The following BAIAP2L1 variants were observed in gnomAD, a reference collection of about 807,000 sequenced individuals.
BAIAP2L1 encodes the protein BAR/IMD domain-containing adapter protein 2-like 1.
Under a neutral mutation model 66.3 loss-of-function variants are expected in BAIAP2L1, and 35 were observed. The observed-to-expected ratio is 0.53, with a 90% CI of 0.40 to 0.70. The LOEUF is 0.70. BAIAP2L1 is among the 30% of genes least tolerant of loss of function. The pLI is 0.00. For missense variants in BAIAP2L1, 622 were observed against 656.9 expected (o/e 0.95, Z 0.58); for synonymous variants, 269 against 248.7 (o/e 1.08, Z -0.77).
At position 98,320,149 on chromosome 7, in the gene BAIAP2L1, A is replaced by C. The variant is rs753857277; in HGVS notation, c.277-20T>G. 1 of 1,602,034 alleles carries C rather than the reference A, an allele frequency of 6.2e-7. No homozygotes were observed. The highest frequency in any genetic ancestry group is 8.5e-7 in the Non-Finnish European group (1 of 1,171,412). On this transcript the variant is annotated intron_variant, in intron 4 of 13. Coordinates refer to ENST00000005260, the MANE Select transcript of BAIAP2L1 (RefSeq NM_018842.5). The stretch of plus-strand genomic sequence containing the variant: ...TTTAAACTGTTAACAAAAGGAAATA[A>C]ATTCATACCAGGTTTGAGATTTTAA...
intron 3 of BAIAP2L1, among the ~76,000 whole-genome samples, chr7:98,338,938 T>G (rs1801674637): frequency 2.0e-5 from 3 of 152,050 alleles, no homozygotes; most frequent in African/African-American, 7.2e-5. Flanking sequence ...CTGAGTGTGG[T>G]AGCGCATGCC....
chr7:98,305,037 TTTG>T (rs1411284362), intron 11 of BAIAP2L1, among the ~76,000 whole-genome samples: 35 of 118,566 alleles, frequency 3.0e-4, no homozygotes, highest in African/African-American at 1.3e-3. Flanking sequence ...AGCTAATTTT[TTTG>T]TTTTTTGTTT....
intron 12 of BAIAP2L1, among the ~76,000 whole-genome samples, chr7:98,295,104 G>A (rs1434539706): frequency 1.3e-5 from 2 of 152,218 alleles, no homozygotes; most frequent in African/African-American, 2.4e-5. Context: ...CAGGGAGCAC[G>A]CAGACCTCTC....
chr7:98,359,735 G>C (rs1004815779), intron 2 of BAIAP2L1, among the ~76,000 whole-genome samples: 1 of 140,778 alleles, frequency 7.1e-6, no homozygotes, highest in African/African-American at 2.6e-5. Context: ...CCATTCACCT[G>C]TAGACCTGGG....
At chr7:98,377,684 G>A (rs530017494) in intron 1 of BAIAP2L1, among the ~76,000 whole-genome samples, 4 of 151,754 alleles carry the variant, frequency 2.6e-5, no homozygotes, top group African/African-American at 9.7e-5. Context: ...TGGGTGTGGT[G>A]GCACGCGCCT....
chr7:98,363,931 C>G (rs1010215174), intron 1 of BAIAP2L1, among the ~76,000 whole-genome samples: 1 of 152,146 alleles, frequency 6.6e-6, no homozygotes, highest in African/African-American at 2.4e-5. Flanking sequence ...ACCCATGCCT[C>G]GACCTTTCCA....
At chr7:98,391,900 A>T (rs1461727510) in intron 1 of BAIAP2L1, among the ~76,000 whole-genome samples, 1 of 152,068 alleles carries the variant, frequency 6.6e-6, no homozygotes, top group Non-Finnish European at 1.5e-5. Context: ...TTTATGGGGA[A>T]AAGTATGCCT....
Position 98,360,817 on chromosome 7 carries a change from G to A in BAIAP2L1, c.127+1540C>T, listed in dbSNP as rs1003762693. 3.3e-5 allele frequency among the ~76,000 whole-genome samples: 5 copies of A among 152,276 alleles called. No individual in the cohort carries two copies. The East Asian group carries it at 9.7e-4, about 29-fold the overall frequency. ...ACTTGCAGAAGTCACGGGGACCACT[G>A]GAGGGCAAGGGAGCAAAATCCCAGA... is the stretch of plus-strand genomic sequence containing the variant. On this transcript the variant is annotated intron_variant, in intron 2 of 13. Coordinates refer to ENST00000005260, the MANE Select transcript of BAIAP2L1 (RefSeq NM_018842.5).
chr7:98,305,047 GTTTTTTTTTTTTTTTT>G (rs59633894), intron 11 of BAIAP2L1, among the ~76,000 whole-genome samples: 1 of 100,380 alleles, frequency 1.0e-5, no homozygotes, highest in Non-Finnish European at 1.8e-5. Flanking sequence ...TTTGTTTTTT[GTTTTTTTTTTTTTTTT>G]TTTTTTTAGT....
chr7:98,292,471 A>C lies in BAIAP2L1; in HGVS notation c.*1050T>G. 1.5e-6 allele frequency: 1 copy of C among 665,488 alleles called. No homozygotes were observed. 41.2% of individuals were successfully genotyped at this position (665,488 alleles called of 1,614,324 possible). A position where few individuals can be genotyped will look rare whatever the true frequency, so the allele number is the denominator to read the frequency against. ...TTCCCGTACCTGGGCCGGGCTGGGAATTTTAACCATGACTCTCCACTCCAA... is the reference window on the plus strand; with the variant it reads ...TTCCCGTACCTGGGCCGGGCTGGGACTTTTAACCATGACTCTCCACTCCAA... On this transcript the variant is annotated 3_prime_UTR_variant, in exon 14 of 14. Coordinates refer to ENST00000005260, the MANE Select transcript of BAIAP2L1 (RefSeq NM_018842.5).
intron 1 of BAIAP2L1, among the ~76,000 whole-genome samples, chr7:98,366,181 G>A (rs547026446): frequency 6.6e-6 from 1 of 152,180 alleles, no homozygotes; most frequent in Admixed American, 6.5e-5. Context: ...AAGGGGGCCG[G>A]GACTGGACAG....
rs758421945 is a variant in BAIAP2L1 at position 98,312,088 on chromosome 7, G to A, written c.807+9C>T. On this transcript the variant is annotated intron_variant, in intron 8 of 13. Coordinates refer to ENST00000005260, the MANE Select transcript of BAIAP2L1 (RefSeq NM_018842.5). The stretch of plus-strand genomic sequence containing the variant: ...CGATTGAAATCTGGAAGAGAAAACT[G>A]GCTCCTACCACATTGCTTCTCTCGA... 35 of 1,583,200 alleles carry A rather than the reference G, an allele frequency of 2.2e-5. 1 individual carries two copies. The Middle Eastern group carries it at 5.1e-4, about 23-fold the overall frequency.
chr7:98,398,990 T>C (rs1336774332), intron 1 of BAIAP2L1, among the ~76,000 whole-genome samples: 1 of 152,140 alleles, frequency 6.6e-6, no homozygotes. Context: ...ACACAGTTTT[T>C]CCTTCACTGA....
intron 2 of BAIAP2L1, 176 bp from the exon 3 acceptor site, chr7:98,355,304 C>G (rs1802094193): frequency 1.6e-6 from 1 of 613,244 alleles, no homozygotes. Flanking sequence ...GGTGGAGGCC[C>G]TCCAGCCAAG....
At chr7:98,348,102 G>A (rs932811868) in intron 3 of BAIAP2L1, among the ~76,000 whole-genome samples, 2 of 151,842 alleles carry the variant, frequency 1.3e-5, no homozygotes, top group African/African-American at 2.4e-5. Flanking sequence ...AAACCTGCAC[G>A]TTCTTCACAT....
intron 12 of BAIAP2L1, among the ~76,000 whole-genome samples, chr7:98,299,174 C>T (rs1416948203): frequency 1.3e-5 from 2 of 152,098 alleles, no homozygotes; most frequent in African/African-American, 2.4e-5. Flanking sequence ...TGCCACCATG[C>T]CCAGCTAATT....
intron 1 of BAIAP2L1, among the ~76,000 whole-genome samples, chr7:98,385,481 C>T (rs147811526): frequency 0.017 from 2,537 of 152,088 alleles, 72 homozygotes; most frequent in African/African-American, 0.057. Flanking sequence ...AGTGCAGTGG[C>T]GCAATCTCTG....
intron 1 of BAIAP2L1, among the ~76,000 whole-genome samples, chr7:98,391,328 C>T (rs1313072177): frequency 2.6e-5 from 4 of 152,068 alleles, no homozygotes; most frequent in East Asian, 1.9e-4. Flanking sequence ...AAAGAGAAAC[C>T]GGCAACATTT....
intron 3 of BAIAP2L1, among the ~76,000 whole-genome samples, chr7:98,323,906 G>C (rs1235705755): frequency 2.0e-5 from 3 of 152,212 alleles, no homozygotes. Flanking sequence ...TCAATCTGCA[G>C]AAGTTTCATC....
Sources: gnomAD v4.1 joint callset for allele counts (sites outside exome capture counted in the v4.1 genomes callset) on GRCh38, gnomAD v4.1.1 for gene constraint, MANE v1.5 for transcripts, NCBI Gene and HGNC (gene_info 2026-07-23, HGNC 2026-07-21) for gene names.